Variants in NFIA observed in about 807,000 individuals in gnomAD.
NFIA encodes nuclear factor I A.
NFIA carries 8 observed loss-of-function variants against 62.8 expected under a neutral mutation model. The observed-to-expected ratio is 0.13, with a 90% CI of 0.07 to 0.23. NFIA has a LOEUF of 0.23. Among genes scored for constraint, NFIA ranks in the 10% least tolerant of loss-of-function variants. The probability of loss-of-function intolerance (pLI) is 1.00; values close to 1 mark genes in which losing one functional copy is unlikely to be tolerated. For missense variants in NFIA, 410 were observed against 642.1 expected, an observed-to-expected ratio of 0.64 and a Z score of 3.91; for synonymous variants, 235 against 238.1, an observed-to-expected ratio of 0.99 and a Z score of 0.12.
At chr1:61,440,826 G>A (rs1446108114) in intron 10 of NFIA, among the ~76,000 whole-genome samples, 2 of 152,044 alleles carry the variant, frequency 1.3e-5, no homozygotes, top group Non-Finnish European at 2.9e-5. Context: ...AGACACATGT[G>A]CCCTGTACCA....
intron 2 of NFIA, among the ~76,000 whole-genome samples, chr1:61,178,479 T>A (rs1650545297): frequency 6.6e-6 from 1 of 152,168 alleles, no homozygotes; most frequent in Non-Finnish European, 1.5e-5. Flanking sequence ...GCCATTATCC[T>A]CCTTTCATAT....
At chr1:61,163,826 A>G (rs1294804488) in intron 2 of NFIA, among the ~76,000 whole-genome samples, 2 of 152,200 alleles carry the variant, frequency 1.3e-5, no homozygotes, top group African/African-American at 4.8e-5. Flanking sequence ...AGAGGTAACT[A>G]AAGGAATGAA....
chr1:61,348,719 TGG>T (rs1662381014), intron 4 of NFIA, among the ~76,000 whole-genome samples: 1 of 152,202 alleles, frequency 6.6e-6, no homozygotes, highest in African/African-American at 2.4e-5. Context: ...TAAGTGCAGC[TGG>T]ATGTTCACCA....
At chr1:61,089,264 T>C (rs1270435651) in intron 2 of NFIA, among the ~76,000 whole-genome samples, 1 of 152,200 alleles carries the variant, frequency 6.6e-6, no homozygotes, top group Non-Finnish European at 1.5e-5. Flanking sequence ...ACCAGCTCTT[T>C]CAGTAATTGA....
chr1:61,194,580 C>G (rs1446219445), intron 2 of NFIA, among the ~76,000 whole-genome samples: 1 of 152,096 alleles, frequency 6.6e-6, no homozygotes, highest in Non-Finnish European at 1.5e-5. Flanking sequence ...CACAAAACCC[C>G]TGTAAGGTAG....
intron 2 of NFIA, among the ~76,000 whole-genome samples, chr1:61,115,531 G>C (rs1456628261): frequency 6.6e-6 from 1 of 152,248 alleles, no homozygotes; most frequent in Admixed American, 6.5e-5. Context: ...CCTAAAGCAG[G>C]GCCTCGAAGG....
chr1:61,152,061 A>G (rs1648456993), intron 2 of NFIA, among the ~76,000 whole-genome samples: 2 of 152,160 alleles, frequency 1.3e-5, no homozygotes, highest in East Asian at 3.9e-4. Context: ...TTTTTATTCC[A>G]TATGGCCCCT....
At position 61,184,596 on chromosome 1, in the gene NFIA, C is replaced by T. The variant is rs910830659; in HGVS notation, c.560-92924C>T. On this transcript the variant is annotated intron_variant, in intron 2 of 10. Transcript: ENST00000403491. ...GCTGGGTGAGAAGAGAGCTTCTCTGCTGAGAAACTGGTGGACCGACACACT... is the reference window on the plus strand; with the variant it reads ...GCTGGGTGAGAAGAGAGCTTCTCTGTTGAGAAACTGGTGGACCGACACACT... Among the ~76,000 whole-genome samples the T allele has an allele frequency of 2.2e-4, 34 of 152,254 alleles. 1 individual carries two copies. The highest frequency in any genetic ancestry group is 6.5e-4 in the African/African-American group (27 of 41,460).
intron 2 of NFIA, among the ~76,000 whole-genome samples, chr1:61,184,125 C>CAAAAAAAAAAAAAAAAAAACCA (rs71050114): frequency 1.1e-5 from 1 of 94,916 alleles, no homozygotes; most frequent in East Asian, 3.2e-4. Context: ...GAAAAAAAAC[C>CAAAAAAAAAAAAAAAAAAACCA]AAAAAAAAAA....
intron 9 of NFIA, among the ~76,000 whole-genome samples, chr1:61,408,595 G>T (rs531980474): frequency 6.6e-6 from 1 of 152,106 alleles, no homozygotes; most frequent in Non-Finnish European, 1.5e-5. Context: ...AATCAATTCC[G>T]TGGAAACAGA....
chr1:61,369,024 C>T (rs1328283265), intron 6 of NFIA, among the ~76,000 whole-genome samples: 3 of 152,166 alleles, frequency 2.0e-5, no homozygotes, highest in Non-Finnish European at 4.4e-5. Context: ...GGAGTTTATT[C>T]AGCGGCTTAG....
chr1:61,266,183 C>T (rs1001873548), intron 2 of NFIA, among the ~76,000 whole-genome samples: 24 of 151,996 alleles, frequency 1.6e-4, no homozygotes, highest in African/African-American at 5.1e-4. Context: ...GGGTGATTTA[C>T]GACCAGAAAG....
chr1:61,344,390 C>T (rs960647461), intron 4 of NFIA, among the ~76,000 whole-genome samples: 2 of 152,178 alleles, frequency 1.3e-5, no homozygotes, highest in Non-Finnish European at 2.9e-5. Context: ...CTTTTCCCCT[C>T]CCCCGGTCTT....
intron 3 of NFIA, among the ~76,000 whole-genome samples, chr1:61,326,440 A>G (rs1660939468): frequency 6.6e-6 from 1 of 152,202 alleles, no homozygotes; most frequent in Non-Finnish European, 1.5e-5. Flanking sequence ...AGAAAGAGAC[A>G]GAAATAAGAA....
At chr1:61,380,074 G>C (rs17265650) in intron 6 of NFIA, among the ~76,000 whole-genome samples, 12,256 of 152,122 alleles carry the variant, frequency 0.081, 574 homozygotes, top group Middle Eastern at 0.12. Flanking sequence ...GAGGGAAATT[G>C]AAAATTCAAA....
chr1:61,256,388 A>G (rs1196117732), intron 2 of NFIA, among the ~76,000 whole-genome samples: 1 of 150,462 alleles, frequency 6.6e-6, no homozygotes, highest in East Asian at 2.0e-4. Context: ...GTGAGCCAAG[A>G]TCGCACCTCT....
intron 3 of NFIA, among the ~76,000 whole-genome samples, chr1:61,284,573 G>T (rs577748544): frequency 6.6e-6 from 1 of 152,046 alleles, no homozygotes; most frequent in South Asian, 2.1e-4. Context: ...GAAAAATGGG[G>T]GGTGTGGGGG....
chr1:61,360,676 A>G (rs1204962647), intron 6 of NFIA, among the ~76,000 whole-genome samples: 1 of 152,162 alleles, frequency 6.6e-6, no homozygotes, highest in African/African-American at 2.4e-5. Context: ...GGATGTGACT[A>G]TAAAGGTGTA....
intron 6 of NFIA, among the ~76,000 whole-genome samples, chr1:61,382,518 T>G (rs1156319181): frequency 5.3e-5 from 8 of 152,170 alleles, no homozygotes; most frequent in African/African-American, 1.9e-4. Flanking sequence ...GCCTTCCAGT[T>G]CTTTCTCTGT....
Sources: allele counts gnomAD v4.1 joint callset (sites outside exome capture counted in the v4.1 genomes callset), GRCh38; gene constraint gnomAD v4.1.1; transcripts MANE v1.5; gene names NCBI Gene and HGNC (gene_info 2026-07-23, HGNC 2026-07-21).